DNM3: variants seen among roughly 807,000 people sequenced by gnomAD.
DNM3 encodes the protein dynamin 3.
In DNM3, 47 loss-of-function variants were observed where a neutral mutation model predicts 101.6. That is an observed-to-expected ratio of 0.46 (90% CI 0.37 to 0.59). DNM3 has a LOEUF of 0.59. Among genes scored for constraint, DNM3 ranks in the 20% least tolerant of loss-of-function variants. The probability of loss-of-function intolerance (pLI) is 0.00; values close to 1 mark genes in which losing one functional copy is unlikely to be tolerated. For missense variants in DNM3, 849 were observed against 1,085.7 expected, an observed-to-expected ratio of 0.78 and a Z score of 3.06; for synonymous variants, 385 against 387.9, an observed-to-expected ratio of 0.99 and a Z score of 0.09.
intron 13 of DNM3, among the ~76,000 whole-genome samples, chr1:172,114,006 T>A (rs1004559603): frequency 2.0e-5 from 3 of 152,144 alleles, no homozygotes; most frequent in Non-Finnish European, 2.9e-5. Flanking sequence ...TAAGACAGAT[T>A]AAGTTCTCAC....
chr1:172,348,381 GA>G (rs1412648222), intron 17 of DNM3, among the ~76,000 whole-genome samples: 2 of 151,878 alleles, frequency 1.3e-5, no homozygotes, highest in African/African-American at 4.8e-5. Flanking sequence ...GAACACCAAA[GA>G]AAAAAAGATC....
At chr1:172,112,767 G>A (rs949596827) in intron 13 of DNM3, among the ~76,000 whole-genome samples, 3 of 152,194 alleles carry the variant, frequency 2.0e-5, no homozygotes, top group Non-Finnish European at 4.4e-5. Flanking sequence ...TCATAAGGTT[G>A]AGTCGCTCTA....
At chr1:172,122,553 A>G (rs890414349) in intron 13 of DNM3, among the ~76,000 whole-genome samples, 2 of 152,158 alleles carry the variant, frequency 1.3e-5, no homozygotes, top group Admixed American at 6.5e-5. Context: ...TTTTTCCCAC[A>G]TCATGTACTA....
At chr1:172,155,704 C>T (rs948376361) in intron 14 of DNM3, among the ~76,000 whole-genome samples, 1 of 152,050 alleles carries the variant, frequency 6.6e-6, no homozygotes, top group Non-Finnish European at 1.5e-5. Context: ...TGATGTTAGA[C>T]TCTGTCCTGG....
intron 14 of DNM3, among the ~76,000 whole-genome samples, chr1:172,167,728 G>A (rs1020393124): frequency 1.3e-5 from 2 of 151,882 alleles, no homozygotes; most frequent in Non-Finnish European, 2.9e-5. Flanking sequence ...TATAATTGAT[G>A]CCCTCACTTA....
At chr1:172,367,018 T>C (rs1469908108) in intron 17 of DNM3, among the ~76,000 whole-genome samples, 5 of 151,664 alleles carry the variant, frequency 3.3e-5, no homozygotes, top group Non-Finnish European at 7.4e-5. Context: ...ACCCCAAATA[T>C]ATTAAGTTCA....
intron 20 of DNM3, among the ~76,000 whole-genome samples, chr1:172,398,505 T>C (rs548776700): frequency 6.6e-6 from 1 of 152,334 alleles, no homozygotes; most frequent in Admixed American, 6.5e-5. Flanking sequence ...CTGTAAACTT[T>C]TTTGATCTCT....
intron 13 of DNM3, among the ~76,000 whole-genome samples, chr1:172,130,503 G>A (rs895815936): frequency 2.0e-5 from 3 of 152,166 alleles, no homozygotes; most frequent in Non-Finnish European, 4.4e-5. Flanking sequence ...AAAATTTTAT[G>A]AAGATGCTAC....
At chr1:172,255,617 G>A (rs189281375) in intron 15 of DNM3, among the ~76,000 whole-genome samples, 3 of 152,240 alleles carry the variant, frequency 2.0e-5, no homozygotes, top group Admixed American at 2.0e-4. Flanking sequence ...GATATTTTGG[G>A]ATCTTGGAGT....
chr1:172,017,224 A>C (rs1454581782), intron 4 of DNM3, among the ~76,000 whole-genome samples: 1 of 151,892 alleles, frequency 6.6e-6, no homozygotes, highest in African/African-American at 2.4e-5. Flanking sequence ...AGTTCTTATT[A>C]TTTCTTTCAT....
chr1:172,280,385 T>A (rs180794728), intron 15 of DNM3, among the ~76,000 whole-genome samples: 9 of 152,336 alleles, frequency 5.9e-5, no homozygotes, highest in Admixed American at 4.6e-4. Context: ...TAATCTTTTT[T>A]AAAAAATTTA....
At chr1:172,087,014 T>C (rs1291334338) in intron 12 of DNM3, among the ~76,000 whole-genome samples, 1 of 152,134 alleles carries the variant, frequency 6.6e-6, no homozygotes. Flanking sequence ...CTGTGTTCCA[T>C]TCTCTTTTTC....
intron 14 of DNM3, among the ~76,000 whole-genome samples, chr1:172,238,305 G>A (rs1299777830): frequency 6.6e-6 from 1 of 152,132 alleles, no homozygotes; most frequent in Non-Finnish European, 1.5e-5. Flanking sequence ...GCTGTCAAGA[G>A]TTTTCATGTC....
At chr1:172,235,529 G>A (rs2061505505) in intron 14 of DNM3, among the ~76,000 whole-genome samples, 1 of 152,048 alleles carries the variant, frequency 6.6e-6, no homozygotes, top group Non-Finnish European at 1.5e-5. Flanking sequence ...TCATGCTGCT[G>A]TAAAGACACA....
chr1:172,040,893 A>G (rs974142418), intron 7 of DNM3, among the ~76,000 whole-genome samples: 1 of 152,124 alleles, frequency 6.6e-6, no homozygotes, highest in African/African-American at 2.4e-5. Flanking sequence ...GGGAACTGCA[A>G]TGGCTTCCTT....
intron 4 of DNM3, among the ~76,000 whole-genome samples, chr1:171,991,844 G>A (rs564285650): frequency 2.0e-5 from 3 of 152,240 alleles, no homozygotes; most frequent in Non-Finnish European, 4.4e-5. Flanking sequence ...TGGGGAATAG[G>A]GAAGAAGACT....
chr1:172,330,862 G>A (rs2066152179), intron 17 of DNM3, among the ~76,000 whole-genome samples: 1 of 152,144 alleles, frequency 6.6e-6, no homozygotes, highest in Admixed American at 6.6e-5. Flanking sequence ...GATACATGTG[G>A]AAATTAACTT....
intron 17 of DNM3, among the ~76,000 whole-genome samples, chr1:172,323,974 A>G (rs1456941073): frequency 6.6e-6 from 1 of 152,176 alleles, no homozygotes; most frequent in Non-Finnish European, 1.5e-5. Flanking sequence ...ACCAGGCAAC[A>G]CACAGGAATG....
intron 14 of DNM3, among the ~76,000 whole-genome samples, chr1:172,225,457 A>G (rs948244849): frequency 1.3e-5 from 2 of 151,874 alleles, no homozygotes; most frequent in African/African-American, 4.8e-5. Flanking sequence ...AATGACCTCA[A>G]TTTAGTCTTT....
Sources: allele counts gnomAD v4.1 joint callset (sites outside exome capture counted in the v4.1 genomes callset), GRCh38; gene constraint gnomAD v4.1.1; transcripts MANE v1.5; gene names NCBI Gene and HGNC (gene_info 2026-07-23, HGNC 2026-07-21).